The following NDUFA10 variants were observed in gnomAD, a reference collection of about 807,000 sequenced individuals.
NDUFA10 encodes NADH:ubiquinone oxidoreductase subunit A10.
Under a neutral mutation model 47.8 loss-of-function variants are expected in NDUFA10, and 40 were observed. The observed-to-expected ratio is 0.84, with a 90% CI of 0.65 to 1.09. The LOEUF (loss-of-function observed/expected upper bound fraction) is 1.09, where lower values mean the gene tolerates loss of function less well. Among genes scored for constraint, NDUFA10 ranks in the 50% least tolerant of loss-of-function variants. The probability of loss-of-function intolerance (pLI) is 0.00; values close to 1 mark genes in which losing one functional copy is unlikely to be tolerated. For synonymous variants in NDUFA10, 183 were observed against 172.2 expected, an observed-to-expected ratio of 1.06 and a Z score of -0.49; for missense variants, 413 against 451.1, an observed-to-expected ratio of 0.92 and a Z score of 0.76.
At chr2:239,930,598 G>A (rs180678158) in intron 4 of NDUFA10, among the ~76,000 whole-genome samples, 28 of 152,186 alleles carry the variant, frequency 1.8e-4, no homozygotes, top group East Asian at 7.8e-4. Context: ...AGACTCACAG[G>A]TGGCACCCGG....
intron 4 of NDUFA10, among the ~76,000 whole-genome samples, chr2:240,015,354 C>T (rs187745080): frequency 6.6e-6 from 1 of 152,316 alleles, no homozygotes; most frequent in Admixed American, 6.5e-5. Flanking sequence ...ATATATGTTG[C>T]AGGTATATAG....
chr2:239,979,407 G>A (rs113381924), intron 9 of NDUFA10, among the ~76,000 whole-genome samples: 65 of 152,184 alleles, frequency 4.3e-4, no homozygotes, highest in Non-Finnish European at 7.1e-4. Flanking sequence ...GGGCTCCACC[G>A]TCCGGTGAGG....
chr2:239,966,863 TTTTTTTTC>T (rs1389481031), intron 9 of NDUFA10, among the ~76,000 whole-genome samples: 37 of 108,308 alleles, frequency 3.4e-4, no homozygotes, highest in African/African-American at 1.2e-3. Context: ...TTTTTTTTTT[TTTTTTTTC>T]CCTAAGAGAG....
chr2:239,983,505 G>C, intron 9 of NDUFA10: 2 of 1,593,580 alleles, frequency 1.3e-6, no homozygotes, highest in Non-Finnish European at 1.7e-6. Context: ...TAAACAGTCA[G>C]ACAATTCTTA....
intron 8 of NDUFA10, among the ~76,000 whole-genome samples, chr2:239,995,989 G>T (rs531586110): frequency 2.6e-5 from 4 of 152,252 alleles, no homozygotes; most frequent in Admixed American, 2.6e-4. Flanking sequence ...AGCGCTGTTG[G>T]AAATTTAAAC....
At chr2:239,925,827 C>T (rs993474457) in intron 4 of NDUFA10, among the ~76,000 whole-genome samples, 1 of 152,092 alleles carries the variant, frequency 6.6e-6, no homozygotes, top group African/African-American at 2.4e-5. Context: ...TCAGCTCAGT[C>T]CAGTTAGAAA....
In NDUFA10 at chr2:239,958,391, AT is replaced by A. The variant is rs1371291642; in HGVS notation, c.*2726del. Reference sequence around the variant, plus strand: ...TTCAAAGCCAATTATTAGCCAAAAAATGGGACAAATGCCAAACAAGACAAGA... The same window carrying A: ...TTCAAAGCCAATTATTAGCCAAAAAAGGGACAAATGCCAAACAAGACAAGA... On this transcript the variant is annotated 3_prime_UTR_variant, in exon 10 of 10. Transcript: ENST00000252711. 6.6e-6 allele frequency: 1 copy of A among 152,260 alleles called. No homozygotes were observed. Among genetic ancestry groups the A allele is most frequent in the Non-Finnish European group, 1.5e-5 (1 of 68,036 alleles). The allele number at this position is 152,260 out of a possible 1,614,324, so 9.4% of individuals were successfully genotyped here.
At chr2:240,022,083 A>G in intron 2 of NDUFA10, 89 bp downstream of exon 2, 15 of 1,063,780 alleles carry the variant, frequency 1.4e-5, no homozygotes, top group Non-Finnish European at 1.9e-5. Flanking sequence ...ATTTAATATT[A>G]TTTAATATTA....
At chr2:239,910,730 G>A (rs6759261) in intron 4 of NDUFA10, among the ~76,000 whole-genome samples, 57,619 of 151,800 alleles carry the variant, frequency 0.38, 11,028 homozygotes, top group East Asian at 0.42. Flanking sequence ...GAAAGTGGAA[G>A]AAAAAAATAA....
chr2:239,977,284 C>T (rs1360026507), intron 9 of NDUFA10, among the ~76,000 whole-genome samples: 1 of 152,178 alleles, frequency 6.6e-6, no homozygotes, highest in African/African-American at 2.4e-5. Context: ...GCACAGGCAC[C>T]TGGGATCCGG....
intron 5 of NDUFA10, chr2:240,012,074 G>A: frequency 3.0e-6 from 1 of 328,496 alleles, no homozygotes; most frequent in Non-Finnish European, 6.0e-6. Flanking sequence ...TCCGCCATCT[G>A]TCCTCAGCAC....
intron 9 of NDUFA10, chr2:239,969,838 A>C: frequency 2.2e-6 from 1 of 462,454 alleles, no homozygotes; most frequent in Non-Finnish European, 4.5e-6. Context: ...AGAGCAGCAG[A>C]AACTATCCAA....
At chr2:239,962,240 C>CAT (rs1553562078) in intron 9 of NDUFA10, among the ~76,000 whole-genome samples, 3 of 151,476 alleles carry the variant, frequency 2.0e-5, no homozygotes, top group African/African-American at 7.3e-5. Flanking sequence ...CACACACACA[C>CAT]CCCTTCCAAA....
chr2:239,941,639 T>C (rs945532743), intron 4 of NDUFA10, among the ~76,000 whole-genome samples: 3 of 150,538 alleles, frequency 2.0e-5, no homozygotes, highest in Non-Finnish European at 2.9e-5. Flanking sequence ...GGTGGGAAAA[T>C]GATTGAACCT....
At chr2:239,900,473 T>C (rs111818170) in intron 4 of NDUFA10, among the ~76,000 whole-genome samples, 390 of 152,220 alleles carry the variant, frequency 2.6e-3, no homozygotes, top group African/African-American at 8.8e-3. Flanking sequence ...CCTCTGCTTA[T>C]CTTTGTCTCT....
In NDUFA10 at chr2:239,994,843, G is replaced by C. The variant is rs12466759; in HGVS notation, c.891-4661C>G. Among the ~76,000 whole-genome samples, 409 of 152,270 alleles carry C rather than the reference G, an allele frequency of 2.7e-3. 1 individual carries two copies. Among genetic ancestry groups the C allele is most frequent in the Middle Eastern group, 6.8e-3 (2 of 294 alleles). On this transcript the variant is annotated intron_variant, in intron 8 of 9. Coordinates refer to ENST00000252711, the MANE Select transcript of NDUFA10 (RefSeq NM_004544.4). ...TGTTAACAGAGTTTTAAAAAACAAAGAGGGAACTTCCAGCTTCAGCTCCAA... is the reference window on the plus strand; with the variant it reads ...TGTTAACAGAGTTTTAAAAAACAAACAGGGAACTTCCAGCTTCAGCTCCAA...
At chr2:239,904,174 G>A (rs1203204418) in intron 4 of NDUFA10, among the ~76,000 whole-genome samples, 1 of 152,160 alleles carries the variant, frequency 6.6e-6, no homozygotes, top group South Asian at 2.1e-4. Context: ...CCCAGAGATG[G>A]CCAGAACCTT....
At chr2:239,967,663 C>T (rs545071316) in intron 9 of NDUFA10, among the ~76,000 whole-genome samples, 1 of 152,190 alleles carries the variant, frequency 6.6e-6, no homozygotes. Flanking sequence ...CCAGGTCCTG[C>T]GCCTGGCAAC....
chr2:240,021,099 CCTTAAAGGAAAGCTCGACT>C lies in NDUFA10; in HGVS notation c.460+79_460+97del. 3.0e-6 allele frequency: 3 copies of C among 991,192 alleles called. No homozygotes were observed. The South Asian group carries it at 4.1e-5, about 14-fold the overall frequency. 61.4% of individuals were successfully genotyped at this position (991,192 alleles called of 1,614,324 possible). ...AGACAGAACTCACCTCATCAAACAC[CCTTAAAGGAAAGCTCGACT>C]CAGTGGCAATTTAACGTGGTTGAAT... is the stretch of plus-strand genomic sequence containing the variant. On this transcript the variant is annotated intron_variant, in intron 3 of 9. Transcript: ENST00000252711.
Sources: allele counts gnomAD v4.1 joint callset (sites outside exome capture counted in the v4.1 genomes callset), GRCh38; gene constraint gnomAD v4.1.1; transcripts MANE v1.5; gene names NCBI Gene and HGNC (gene_info 2026-07-23, HGNC 2026-07-21).